The following PTPRE variants were observed in gnomAD, a reference collection of about 807,000 sequenced individuals.
The protein encoded by PTPRE is protein tyrosine phosphatase receptor type E.
PTPRE carries 51 observed loss-of-function variants against 102.0 expected under a neutral mutation model. The observed-to-expected ratio is 0.50, with a 90% CI of 0.40 to 0.63. The LOEUF (loss-of-function observed/expected upper bound fraction) is 0.63, where lower values mean the gene tolerates loss of function less well. Among genes scored for constraint, PTPRE ranks in the 30% least tolerant of loss-of-function variants. PTPRE has a pLI of 0.00. For missense variants in PTPRE, 752 were observed against 915.1 expected (o/e 0.82, Z 2.30); for synonymous variants, 345 against 348.2 (o/e 0.99, Z 0.10).
chr10:127,982,742 A>G (rs1242086570), intron 2 of PTPRE, among the ~76,000 whole-genome samples: 24 of 152,202 alleles, frequency 1.6e-4, no homozygotes, highest in Admixed American at 1.6e-3. Flanking sequence ...AACTGCTGAA[A>G]AGGAGCTTCT....
rs548229621 is a variant in PTPRE at position 128,068,262 on chromosome 10, C to T, written c.983C>T (p.Ala328Val). Residue 328 changes from alanine (A) to valine (V), a missense_variant, in exon 12 of 21, where the codon GCT becomes GTT. Physicochemically the swap from Ala to Val is moderately conservative, Grantham distance 64 (BLOSUM62 0). This residue lies in a region of PTPRE where 636 missense variants were observed against 824.4 expected (regional missense o/e 0.77). Transcript: ENST00000254667. ...GTAAAGACGCTCAACCCCGTGCACGCTGGGCCCATCGTGGTCCACTGTAGG... is the reference window on the plus strand; with the variant it reads ...GTAAAGACGCTCAACCCCGTGCACGTTGGGCCCATCGTGGTCCACTGTAGG... Reference protein sequence around the residue: ...KKVKTLNPVHAGPIVVHCSAG... With the variant: ...KKVKTLNPVHVGPIVVHCSAG... 6.2e-7 allele frequency: 1 copy of T among 1,613,930 alleles called. No individual in the cohort carries two copies. The highest frequency in any genetic ancestry group is 1.7e-5 in the Admixed American group (1 of 60,018).
intron 1 of PTPRE, among the ~76,000 whole-genome samples, chr10:127,921,126 G>A (rs971653459): frequency 6.6e-6 from 1 of 152,228 alleles, no homozygotes; most frequent in Admixed American, 6.5e-5. Flanking sequence ...GGGGTCCAGG[G>A]CAATAAATGA....
intron 10 of PTPRE, among the ~76,000 whole-genome samples, chr10:128,064,430 T>G (rs1371168639): frequency 6.6e-6 from 1 of 152,204 alleles, no homozygotes; most frequent in Non-Finnish European, 1.5e-5. Flanking sequence ...AAGTAGGGGA[T>G]TCCCAGCCCA....
chr10:128,004,651 A>G (rs901355621), intron 2 of PTPRE, among the ~76,000 whole-genome samples: 23 of 152,330 alleles, frequency 1.5e-4, no homozygotes, highest in African/African-American at 5.5e-4. Flanking sequence ...TCATCAGTGG[A>G]TGAACTTAGG....
chr10:127,932,345 A>G (rs1016294763), intron 1 of PTPRE, among the ~76,000 whole-genome samples: 1 of 152,164 alleles, frequency 6.6e-6, no homozygotes, highest in Non-Finnish European at 1.5e-5. Context: ...TATTTGGCCT[A>G]TTGTGGCCAA....
intron 1 of PTPRE, among the ~76,000 whole-genome samples, chr10:127,954,355 T>C (rs186784773): frequency 6.6e-6 from 1 of 152,322 alleles, no homozygotes; most frequent in African/African-American, 2.4e-5. Flanking sequence ...TGGTGGCAGG[T>C]TGATTACAAT....
chr10:127,920,299 G>A (rs1846502656), intron 1 of PTPRE, among the ~76,000 whole-genome samples: 1 of 152,204 alleles, frequency 6.6e-6, no homozygotes, highest in Non-Finnish European at 1.5e-5. Flanking sequence ...CCACTGGGAA[G>A]GGGCAGCCCC....
rs1290364745 is a variant in PTPRE, at chr10:127,993,732, C to T, written c.-8+11436C>T. Among the ~76,000 whole-genome samples, 3 of 151,924 alleles carry T rather than the reference C, an allele frequency of 2.0e-5. No homozygotes were observed. In the East Asian group the frequency reaches 5.8e-4, roughly 29 times the overall value. Reference sequence around the variant, plus strand: ...CAAAAGGCAGGAAAAAAAGCTTTTTCCTTTCTTCGTGTTCTCTCTCTGGAT... The same window carrying T: ...CAAAAGGCAGGAAAAAAAGCTTTTTTCTTTCTTCGTGTTCTCTCTCTGGAT... On this transcript the variant is annotated intron_variant, in intron 2 of 20. Coordinates refer to ENST00000254667, the MANE Select transcript of PTPRE (RefSeq NM_006504.6).
In PTPRE at chr10:128,068,436, G is replaced by T. The variant is rs1179146749; in HGVS notation, c.1007+150G>T. 3 of 868,090 alleles carry T rather than the reference G, an allele frequency of 3.5e-6. No homozygotes were observed. The African/African-American group carries it at 5.1e-5, about 15-fold the overall frequency. The allele number at this position is 868,090 out of a possible 1,614,324, so 53.8% of individuals were successfully genotyped here. A position where few individuals can be genotyped will look rare whatever the true frequency, so the allele number is the denominator to read the frequency against. ...ACACAAATGTCAGTGACTGAGCCAGGCCCCAAGAACCCTACAGGAGAATGT... is the reference window on the plus strand; with the variant it reads ...ACACAAATGTCAGTGACTGAGCCAGTCCCCAAGAACCCTACAGGAGAATGT... On this transcript the variant is annotated intron_variant, in intron 12 of 20. Transcript: ENST00000254667.
intron 2 of PTPRE, among the ~76,000 whole-genome samples, chr10:128,038,155 C>T (rs1308917022): frequency 1.3e-5 from 2 of 152,094 alleles, no homozygotes; most frequent in Non-Finnish European, 1.5e-5. Context: ...CATGTCTGTG[C>T]TCACCAGGTC....
intron 2 of PTPRE, among the ~76,000 whole-genome samples, chr10:127,993,829 A>G (rs1391581935): frequency 6.6e-6 from 1 of 151,814 alleles, no homozygotes; most frequent in Non-Finnish European, 1.5e-5. Context: ...ACATTCCCCC[A>G]GGCACTAGGA....
chr10:127,988,667 G>C (rs904111702), intron 2 of PTPRE, among the ~76,000 whole-genome samples: 1 of 152,132 alleles, frequency 6.6e-6, no homozygotes, highest in Non-Finnish European at 1.5e-5. Context: ...CAGATGCGGG[G>C]AACTCCAAAA....
At chr10:128,081,474 G>A (rs1206231524) in intron 20 of PTPRE, among the ~76,000 whole-genome samples, 1 of 152,224 alleles carries the variant, frequency 6.6e-6, no homozygotes, top group Non-Finnish European at 1.5e-5. Flanking sequence ...TCGAGACTAC[G>A]TGGGATGGTC....
At chr10:128,019,770 AG>A (rs1178185224) in intron 2 of PTPRE, among the ~76,000 whole-genome samples, 1 of 151,956 alleles carries the variant, frequency 6.6e-6, no homozygotes, top group African/African-American at 2.4e-5. Context: ...GTGGGATGGG[AG>A]GGGGTGCCAG....
chr10:127,972,607 C>G (rs141183917), intron 1 of PTPRE, among the ~76,000 whole-genome samples: 3 of 152,350 alleles, frequency 2.0e-5, no homozygotes, highest in Admixed American at 6.5e-5. Flanking sequence ...ACCCAACATT[C>G]TCTCACTGGA....
At chr10:128,055,870 G>A (rs146955289) in intron 6 of PTPRE, among the ~76,000 whole-genome samples, 8 of 152,292 alleles carry the variant, frequency 5.3e-5, no homozygotes, top group Non-Finnish European at 8.8e-5. Flanking sequence ...CATAGGATCT[G>A]GCTGATGAGA....
intron 11 of PTPRE, 121 bp from the exon 12 acceptor site, chr10:128,068,002 G>T (rs1231462374): frequency 3.0e-5 from 34 of 1,130,662 alleles, no homozygotes; most frequent in Non-Finnish European, 3.9e-5. Flanking sequence ...CTCTGTGGAT[G>T]GGCCCCTCCC....
At chr10:127,927,108 T>A (rs1189716027) in intron 1 of PTPRE, among the ~76,000 whole-genome samples, 1 of 151,874 alleles carries the variant, frequency 6.6e-6, no homozygotes, top group African/African-American at 2.4e-5. Context: ...CTGCGCCAGG[T>A]CTCTCTTAAT....
At chr10:127,930,777 AT>A (rs999771207) in intron 1 of PTPRE, among the ~76,000 whole-genome samples, 4 of 149,414 alleles carry the variant, frequency 2.7e-5, no homozygotes, top group Non-Finnish European at 5.9e-5. Context: ...CCAGTTATTT[AT>A]TTTTTATTTA....
Sources: gnomAD v4.1 joint callset for allele counts (sites outside exome capture counted in the v4.1 genomes callset) on GRCh38, gnomAD v4.1.1 for gene constraint, gnomAD v4.1.1 regional missense constraint, MANE v1.5 for transcripts, NCBI Gene and HGNC (gene_info 2026-07-23, HGNC 2026-07-21) for gene names.